ZSCAN5C: variants seen among roughly 807,000 people sequenced by gnomAD.
The protein encoded by ZSCAN5C is zinc finger and SCAN domain containing 5C, also known as zinc finger and SCAN domain-containing protein 5C.
A neutral mutation model predicts 17.3 loss-of-function variants in ZSCAN5C; 11 were observed. The ratio of observed to expected loss-of-function variants is 0.64; its 90% CI spans 0.40 to 1.06. The LOEUF is 1.06. Ranked by LOEUF, ZSCAN5C falls within the 50% of genes least tolerant of loss-of-function variation. ZSCAN5C has a pLI of 0.00. For missense variants in ZSCAN5C, 698 were observed against 538.9 expected, an observed-to-expected ratio of 1.30 and a Z score of -2.92; for synonymous variants, 229 against 208.4, an observed-to-expected ratio of 1.10 and a Z score of -0.85.
downstream of ZSCAN5C, chr19:56,209,359 G>A (rs1442028644): frequency 1.8e-5 from 9 of 495,498 alleles, no homozygotes; most frequent in Non-Finnish European, 3.2e-5. Context: ...TTTCCTCCCC[G>A]GGGGAATTTT....
At chr19:56,208,642 G>C (rs771567380) in exon 5 of ZSCAN5C, 23 of 1,611,132 alleles carry the variant, frequency 1.4e-5, no homozygotes, top group Non-Finnish European at 2.0e-5. Context: ...CCCAAGAAGA[G>C]CCTCAAGGAG....
rs779136794 is a variant in ZSCAN5C at position 56,209,152 on chromosome 19, G to A, written c.1443G>A (p.Ala481=). The A allele has an allele frequency of 6.2e-6, 8 of 1,289,228 alleles. No homozygotes were observed. The Admixed American group carries it at 9.6e-5, about 16-fold the overall frequency. The allele number at this position is 1,289,228 out of a possible 1,614,324, so 79.9% of individuals were successfully genotyped here. The stretch of plus-strand genomic sequence containing the variant: ...GTCCAAGAGCCTTCGGTCGGCCGGC[G>A]ACCTTAAGACGCCACCAGAAAACAC... The change falls in exon 5 of 5, where the codon GCG becomes GCA. Residue 481 remains alanine (A), a synonymous_variant. Coordinates refer to ENST00000534327, the Ensembl canonical transcript of ZSCAN5C.
exon 5 of ZSCAN5C, chr19:56,208,835 A>G: frequency 6.4e-7 from 1 of 1,558,304 alleles, no homozygotes; most frequent in Non-Finnish European, 8.8e-7. Flanking sequence ...CGTCCACACG[A>G]GATCACACAC....
rs1394516585 is a variant in ZSCAN5C, at chr19:56,202,323, G to GT, written c.-128+2dup. On this transcript the variant is annotated splice_donor_variant, in intron 1 of 4. Coordinates refer to ENST00000534327, the Ensembl canonical transcript of ZSCAN5C. LOFTEE classifies it low-confidence loss of function (5UTR_SPLICE). Reference sequence around the variant, plus strand: ...GCTGGAGGCAGAAGTCAGGAAGGAGGTAAGTGTCCACTGGGGATGTCTGTG... The same window carrying GT: ...GCTGGAGGCAGAAGTCAGGAAGGAGGTTAAGTGTCCACTGGGGATGTCTGTG... The GT allele has an allele frequency of 3.9e-5, 6 of 152,400 alleles. No individual in the cohort carries two copies. Among genetic ancestry groups the GT allele is most frequent in the Non-Finnish European group, 8.8e-5 (6 of 68,366 alleles). The allele number at this position is 152,400 out of a possible 1,614,324, so 9.4% of individuals were successfully genotyped here. A position where few individuals can be genotyped will look rare whatever the true frequency, so the allele number is the denominator to read the frequency against.
exon 3 of ZSCAN5C, chr19:56,207,113 A>G: frequency 2.6e-6 from 2 of 755,850 alleles, no homozygotes; most frequent in Non-Finnish European, 4.9e-6. Context: ...AGATGTGGAG[A>G]TGGCTGAAGC....
rs113755664 is a variant in ZSCAN5C, at chr19:56,206,050, A to G, written c.137A>G (p.Asn46Ser). ...AGTGATCCTGAGACTTGTCACGTGAACTTCAGGATGTTCAGCTGCCCGAAG... is the reference window on the plus strand; with the variant it reads ...AGTGATCCTGAGACTTGTCACGTGAGCTTCAGGATGTTCAGCTGCCCGAAG... The change falls in exon 2 of 5, where the codon AAC (asparagine) becomes AGC (serine). Residue 46 changes from asparagine to serine, a missense_variant. By Grantham distance (46) the Asn-to-Ser change is conservative. Coordinates refer to ENST00000534327, the Ensembl canonical transcript of ZSCAN5C. The G allele has an allele frequency of 4.5e-3, 7,260 of 1,613,244 alleles. 360 individuals carry two copies. In the African/African-American group the frequency reaches 0.082, roughly 18 times the overall value.
At chr19:56,209,211 G>A (rs773867808), downstream of ZSCAN5C, 17 of 714,234 alleles carry the variant, frequency 2.4e-5, no homozygotes, top group South Asian at 2.6e-4. Context: ...CTTCACCATC[G>A]GGTCTGTCTT....
exon 5 of ZSCAN5C, chr19:56,208,743 C>T (rs780756259): frequency 1.4e-5 from 23 of 1,609,938 alleles, no homozygotes; most frequent in Non-Finnish European, 2.0e-5. Flanking sequence ...GTCAGTCACC[C>T]CAGTGGCCAA....
At chr19:56,207,509 A>T (rs1334453480) in intron 3 of ZSCAN5C, among the ~76,000 whole-genome samples, 1 of 151,430 alleles carries the variant, frequency 6.6e-6, no homozygotes, top group African/African-American at 2.4e-5. Flanking sequence ...CGGTGAAATA[A>T]CGGAGGCAGT....
intron 1 of ZSCAN5C, among the ~76,000 whole-genome samples, chr19:56,204,138 A>G (rs1439413091): frequency 1.3e-5 from 2 of 151,844 alleles, no homozygotes; most frequent in South Asian, 4.2e-4. Flanking sequence ...ATAGCAACCA[A>G]TAGGTAGTTT....
At chr19:56,205,817 A>C (rs1446291204) in exon 2 of ZSCAN5C, 3 of 614,148 alleles carry the variant, frequency 4.9e-6, no homozygotes. Context: ...TCTATTACTG[A>C]GAAAAACCAG....
chr19:56,202,867 T>G (rs930833519), intron 1 of ZSCAN5C, among the ~76,000 whole-genome samples: 3 of 151,998 alleles, frequency 2.0e-5, no homozygotes, highest in Non-Finnish European at 4.4e-5. Context: ...CACCACTTGT[T>G]AAAAAGCATC....
chr19:56,207,525 C>A (rs1160026820), intron 3 of ZSCAN5C, among the ~76,000 whole-genome samples: 1 of 151,512 alleles, frequency 6.6e-6, no homozygotes, highest in East Asian at 1.9e-4. Flanking sequence ...GCAGTTGGCA[C>A]AGATGAATGA....
chr19:56,202,662 G>A (rs1026296036), intron 1 of ZSCAN5C, among the ~76,000 whole-genome samples: 12 of 151,900 alleles, frequency 7.9e-5, no homozygotes, highest in African/African-American at 1.5e-4. Context: ...CAAACGATCC[G>A]CCTGCCTCTG....
intron 3 of ZSCAN5C, 134 bp downstream of exon 3, chr19:56,207,396 C>G (rs1211588427): frequency 1.7e-6 from 1 of 573,458 alleles, no homozygotes; most frequent in African/African-American, 1.9e-5. Flanking sequence ...TGGTACATCC[C>G]CAAACATTCA....
At chr19:56,205,446 CAT>C (rs2032910173) in intron 1 of ZSCAN5C, among the ~76,000 whole-genome samples, 1 of 151,956 alleles carries the variant, frequency 6.6e-6, no homozygotes, top group South Asian at 2.1e-4. Flanking sequence ...GATAAGAAAA[CAT>C]AAAGAATTGA....
intron 1 of ZSCAN5C, among the ~76,000 whole-genome samples, chr19:56,204,063 A>G (rs2032897168): frequency 6.6e-6 from 1 of 151,960 alleles, no homozygotes; most frequent in Non-Finnish European, 1.5e-5. Context: ...CAGATGTGTT[A>G]CATGAGTATA....
rs28630936 is a variant in ZSCAN5C, at chr19:56,207,168, G to A, written c.494G>A (p.Arg165Gln). The change falls in exon 3 of 5, where the codon CGG becomes CAG. Residue 165 changes from arginine to glutamine, a missense_variant. Arg to Gln is a conservative substitution (Grantham distance 43). Coordinates refer to ENST00000534327, the Ensembl canonical transcript of ZSCAN5C. Reference sequence around the variant, plus strand: ...GATCCGAGACACGTGTCCAGCCAGCGGACCTCCTCTGTGAACCAGATGTGT... The same window carrying A: ...GATCCGAGACACGTGTCCAGCCAGCAGACCTCCTCTGTGAACCAGATGTGT... 130 of 778,698 alleles carry A rather than the reference G, an allele frequency of 1.7e-4. No homozygotes were observed. The African/African-American group carries it at 1.8e-3, about 11-fold the overall frequency. The allele number at this position is 778,698 out of a possible 1,614,324, so 48.2% of individuals were successfully genotyped here.
chr19:56,205,740 G>A (rs2032912722), intron 1 of ZSCAN5C, 47 bp from the exon 2 acceptor site: 1 of 575,410 alleles, frequency 1.7e-6, no homozygotes, highest in Non-Finnish European at 3.1e-6. Flanking sequence ...AGGATGGGGT[G>A]GGTAGAGTAG....
Sources: allele counts gnomAD v4.1 joint callset (sites outside exome capture counted in the v4.1 genomes callset), GRCh38; gene constraint gnomAD v4.1.1; transcripts MANE v1.5; gene names NCBI Gene and HGNC (gene_info 2026-07-23, HGNC 2026-07-21).